The following PPP6R2 variants were observed in gnomAD, a reference collection of about 807,000 sequenced individuals.
PPP6R2 encodes the protein protein phosphatase 6 regulatory subunit 2.
A neutral mutation model predicts 100.2 loss-of-function variants in PPP6R2; 62 were observed. The observed-to-expected ratio is 0.62, with a 90% CI of 0.50 to 0.76. The LOEUF (loss-of-function observed/expected upper bound fraction) is 0.76. Ranked by LOEUF, PPP6R2 falls within the 30% of genes least tolerant of loss-of-function variation. The probability of loss-of-function intolerance (pLI) is 0.00; values close to 1 mark genes in which losing one functional copy is unlikely to be tolerated. For missense variants in PPP6R2, 1,142 were observed against 1,276.3 expected, an observed-to-expected ratio of 0.89 and a Z score of 1.60; for synonymous variants, 525 against 514.7, an observed-to-expected ratio of 1.02 and a Z score of -0.27.
At chr22:50,365,791 G>A (rs933513106) in intron 1 of PPP6R2, among the ~76,000 whole-genome samples, 1 of 151,678 alleles carries the variant, frequency 6.6e-6, no homozygotes, top group Non-Finnish European at 1.5e-5. Context: ...TTGCAGTGGT[G>A]CAATCCTGGC....
intron 2 of PPP6R2, among the ~76,000 whole-genome samples, chr22:50,381,284 G>A (rs1356461431): frequency 7.3e-6 from 1 of 137,514 alleles, no homozygotes; most frequent in East Asian, 2.1e-4. Flanking sequence ...AGCACCACAC[G>A]GGCCCCACCT....
At chr22:50,400,412 C>T (rs1436602895) in intron 3 of PPP6R2, among the ~76,000 whole-genome samples, 2 of 152,178 alleles carry the variant, frequency 1.3e-5, no homozygotes, top group Non-Finnish European at 2.9e-5. Context: ...TTGAGACCCT[C>T]TGATTAGAAG....
chr22:50,424,069 G>C (rs1027411936), intron 10 of PPP6R2, among the ~76,000 whole-genome samples: 2 of 152,250 alleles, frequency 1.3e-5, no homozygotes, highest in Admixed American at 6.5e-5. Context: ...CGGCTTGCAT[G>C]ATGCTCCAGG....
At chr22:50,405,846 A>G (rs540237384) in intron 3 of PPP6R2, among the ~76,000 whole-genome samples, 1 of 130,998 alleles carries the variant, frequency 7.6e-6, no homozygotes, top group South Asian at 2.7e-4. Context: ...GAAGGCCTGG[A>G]GGGAGGTGAG....
chr22:50,419,031 G>T (rs1223678235), intron 7 of PPP6R2, 52 bp downstream of exon 7: 1 of 1,405,550 alleles, frequency 7.1e-7, no homozygotes, highest in Admixed American at 1.7e-5. Flanking sequence ...TGGGTCATGG[G>T]GACGTCTGTG....
intron 2 of PPP6R2, among the ~76,000 whole-genome samples, chr22:50,373,527 G>A (rs1310325746): frequency 6.6e-6 from 1 of 151,372 alleles, no homozygotes; most frequent in African/African-American, 2.4e-5. Context: ...ACAGGCGTGA[G>A]CCACCGCGCC....
chr22:50,338,321 G>GTGGTA (rs2042326359), upstream of PPP6R2, among the ~76,000 whole-genome samples: 1 of 105,002 alleles, frequency 9.5e-6, no homozygotes, highest in Non-Finnish European at 1.8e-5. Context: ...TGTGGTGTGT[G>GTGGTA]GTGTGTGTGT....
chr22:50,369,172 A>G (rs1370122856), intron 1 of PPP6R2, among the ~76,000 whole-genome samples: 1 of 151,216 alleles, frequency 6.6e-6, no homozygotes, highest in Non-Finnish European at 1.5e-5. Flanking sequence ...TAGGAGGCGG[A>G]GGTTGTGGTG....
intron 1 of PPP6R2, among the ~76,000 whole-genome samples, chr22:50,350,977 T>C (rs574478271): frequency 2.0e-5 from 3 of 149,420 alleles, no homozygotes; most frequent in Admixed American, 6.7e-5. Flanking sequence ...CAATGAGCAG[T>C]AATATTTTGA....
intron 2 of PPP6R2, among the ~76,000 whole-genome samples, chr22:50,390,299 C>T (rs889676569): frequency 1.1e-4 from 17 of 152,084 alleles, no homozygotes; most frequent in Middle Eastern, 3.4e-3. Flanking sequence ...GCCCATATGC[C>T]GTTTTTCAAG....
chr22:50,443,229 T>C (rs948753365), intron 22 of PPP6R2: 5 of 152,722 alleles, frequency 3.3e-5, no homozygotes, highest in African/African-American at 9.6e-5. Flanking sequence ...GGGAATATCA[T>C]TGTGCAAAGT....
At chr22:50,437,115 C>T (rs1264976607) in intron 15 of PPP6R2, 47 bp downstream of exon 15, 17 of 1,476,338 alleles carry the variant, frequency 1.2e-5, no homozygotes, top group Middle Eastern at 2.3e-4. Flanking sequence ...CTTCCCGGCA[C>T]CTGTGTGCGC....
intron 10 of PPP6R2, among the ~76,000 whole-genome samples, chr22:50,426,380 A>C (rs2062131877): frequency 6.6e-6 from 1 of 152,222 alleles, no homozygotes; most frequent in South Asian, 2.1e-4. Flanking sequence ...AATCAGTATC[A>C]TGAAGCTTTT....
Position 50,375,832 on chromosome 22 carries a change from A to ATTTTTT in PPP6R2, c.-17+3703_-17+3708dup, listed in dbSNP as rs557118142. Among the ~76,000 whole-genome samples, 109 of 64,550 alleles carry ATTTTTT rather than the reference A, an allele frequency of 1.7e-3. 16 individuals carry two copies. Among genetic ancestry groups the ATTTTTT allele is most frequent in the East Asian group, 1.0e-2 (21 of 2,110 alleles). 42.3% of individuals were successfully genotyped at this position (64,550 alleles called of 152,430 possible). ...CCTAAGATACAAAGAATCCCTGCAG[A>ATTTTTT]TTTTTTTTTTTTTTTTTTTTTTTTT... is the stretch of plus-strand genomic sequence containing the variant. On this transcript the variant is annotated intron_variant, in intron 2 of 23. Transcript: ENST00000612753.
intron 3 of PPP6R2, among the ~76,000 whole-genome samples, chr22:50,398,504 AC>A (rs1214196994): frequency 2.7e-5 from 4 of 147,536 alleles, no homozygotes; most frequent in Admixed American, 6.8e-5. Flanking sequence ...AAAAAAAAAA[AC>A]ATATTAAGAC....
chr22:50,389,740 A>T (rs1306404250), intron 2 of PPP6R2, among the ~76,000 whole-genome samples: 1 of 151,782 alleles, frequency 6.6e-6, no homozygotes, highest in Non-Finnish European at 1.5e-5. Flanking sequence ...CTGGGATTTC[A>T]GATGTGCACC....
At position 50,422,417 on chromosome 22, in the gene PPP6R2, G is replaced by A. The variant is rs780168898; in HGVS notation, c.972+37G>A. The A allele has an allele frequency of 3.7e-6, 6 of 1,609,650 alleles. No individual in the cohort carries two copies. The East Asian group carries it at 1.1e-4, about 30-fold the overall frequency. On this transcript the variant is annotated intron_variant, in intron 9 of 23. Transcript: ENST00000612753. ...TGGCGACTGCTGAGTGCCTTTGGAG[G>A]CGTCGCAGGAGAGGTTGATTTGCAG...
At chr22:50,410,581 A>G (rs1465291930) in intron 4 of PPP6R2, among the ~76,000 whole-genome samples, 1 of 140,194 alleles carries the variant, frequency 7.1e-6, no homozygotes, top group African/African-American at 2.7e-5. Context: ...GGTTCAAGCG[A>G]TTCTCATGGA....
intron 1 of PPP6R2, among the ~76,000 whole-genome samples, chr22:50,355,854 CA>C (rs957705717): frequency 3.4e-5 from 5 of 144,946 alleles, no homozygotes; most frequent in East Asian, 2.0e-4. Flanking sequence ...AAAAAAAAAC[CA>C]AAAAAAAAGC....
Sources: gnomAD v4.1 joint callset for allele counts (sites outside exome capture counted in the v4.1 genomes callset) on GRCh38, gnomAD v4.1.1 for gene constraint, MANE v1.5 for transcripts, NCBI Gene and HGNC (gene_info 2026-07-23, HGNC 2026-07-21) for gene names.